Variants in TRAF5 observed in about 807,000 individuals in gnomAD.
TRAF5 encodes TNF receptor-associated factor 5.
A neutral mutation model predicts 64.5 loss-of-function variants in TRAF5; 48 were observed. That is an observed-to-expected ratio of 0.74 (90% confidence interval 0.59 to 0.95). The LOEUF is 0.95. Among genes scored for constraint, TRAF5 ranks in the 40% least tolerant of loss-of-function variants. The pLI is 0.00. For missense variants in TRAF5, 545 were observed against 662.8 expected (o/e 0.82, Z 1.95); for synonymous variants, 206 against 240.5 (o/e 0.86, Z 1.33).
intron 1 of TRAF5, among the ~76,000 whole-genome samples, chr1:211,351,418 C>T (rs1359095749): frequency 6.6e-6 from 1 of 152,124 alleles, no homozygotes; most frequent in Non-Finnish European, 1.5e-5. Context: ...CCTCCTAATA[C>T]TGTCACATGG....
chr1:211,332,743 AG>A (rs1236320228), intron 1 of TRAF5, among the ~76,000 whole-genome samples: 4 of 152,166 alleles, frequency 2.6e-5, no homozygotes, highest in Non-Finnish European at 4.4e-5. Context: ...GGAGAAATGG[AG>A]GGGGAATATT....
intron 5 of TRAF5, 108 bp from the exon 6 acceptor site, chr1:211,360,594 C>T: frequency 1.2e-6 from 1 of 816,728 alleles, no homozygotes; most frequent in Non-Finnish European, 2.0e-6. Context: ...CAATAACTTC[C>T]TGTAGAGAGT....
At chr1:211,358,523 A>T (rs1703059225) in intron 4 of TRAF5, 1 of 150,656 alleles carries the variant, frequency 6.6e-6, no homozygotes, top group Non-Finnish European at 1.5e-5. Context: ...AGCCTGGCCA[A>T]CATGGTGAAA....
chr1:211,369,309 C>T lies in TRAF5; in HGVS notation c.790-143C>T. The T allele has an allele frequency of 6.5e-6, 5 of 767,426 alleles. No individual in the cohort carries two copies. In the South Asian group the frequency reaches 1.5e-4, roughly 24 times the overall value. The allele number at this position is 767,426 out of a possible 1,614,324, so 47.5% of individuals were successfully genotyped here. A position where few individuals can be genotyped will look rare whatever the true frequency, so the allele number is the denominator to read the frequency against. ...TATCTTCCTATAATTATGTAGGAAT[C>T]TACCCTGTAAATATTTTCCTAGAAA... On this transcript the variant is annotated intron_variant, in intron 8 of 10. Coordinates refer to ENST00000261464, the MANE Select transcript of TRAF5 (RefSeq NM_001033910.3).
chr1:211,366,768 A>G (rs1265614246), intron 8 of TRAF5, among the ~76,000 whole-genome samples: 1 of 152,174 alleles, frequency 6.6e-6, no homozygotes, highest in Non-Finnish European at 1.5e-5. Flanking sequence ...AAGGCTAGAG[A>G]CTGGTGTGTT....
intron 1 of TRAF5, among the ~76,000 whole-genome samples, chr1:211,328,634 A>T (rs139237832): frequency 6.6e-6 from 1 of 152,194 alleles, no homozygotes; most frequent in African/African-American, 2.4e-5. Context: ...TGATTTGCAC[A>T]GTCGGGGAGC....
rs896015593 is a variant in TRAF5, at chr1:211,371,362, C to A, written c.991C>A (p.Gln331Lys). The change falls in exon 10 of 11, where the codon CAA (glutamine) becomes AAA (lysine). Residue 331 changes from glutamine to lysine, a missense_variant. Gln to Lys is a moderately conservative substitution (Grantham distance 53, BLOSUM62 1). Coordinates refer to ENST00000261464, the MANE Select transcript of TRAF5 (RefSeq NM_001033910.3). ...WLEAQVHQLL[Q>K]MVNQQQNKFD... ...AGAAGCTCAAGTGCATCAATTATTA[C>A]AAATGGTTAACCAGCAACAAAATAA... 7 of 1,610,968 alleles carry A rather than the reference C, an allele frequency of 4.3e-6. No individual in the cohort carries two copies. Among genetic ancestry groups the A allele is most frequent in the African/African-American group, 2.7e-5 (2 of 74,770 alleles).
chr1:211,350,935 T>A (rs76554072), intron 1 of TRAF5, among the ~76,000 whole-genome samples: 5 of 151,914 alleles, frequency 3.3e-5, no homozygotes, highest in Non-Finnish European at 5.9e-5. Flanking sequence ...AGACTCGAAC[T>A]CCTAGGTTCA....
chr1:211,331,717 G>C (rs1444421740), intron 1 of TRAF5, among the ~76,000 whole-genome samples: 1 of 151,742 alleles, frequency 6.6e-6, no homozygotes, highest in Non-Finnish European at 1.5e-5. Context: ...CCAGGCTGTA[G>C]TGCAGTGGCA....
chr1:211,350,327 C>T (rs1406317574), intron 1 of TRAF5, among the ~76,000 whole-genome samples: 1 of 143,910 alleles, frequency 6.9e-6, no homozygotes, highest in African/African-American at 2.6e-5. Context: ...TGATCCCCCC[C>T]TGCCTCAGCC....
intron 1 of TRAF5, among the ~76,000 whole-genome samples, chr1:211,341,465 C>T (rs1702445905): frequency 6.6e-6 from 1 of 152,210 alleles, no homozygotes; most frequent in South Asian, 2.1e-4. Context: ...CTTTCCCAGG[C>T]TGTATATGGC....
chr1:211,333,482 G>T (rs1304759415), intron 1 of TRAF5, among the ~76,000 whole-genome samples: 3 of 150,926 alleles, frequency 2.0e-5, no homozygotes, highest in Non-Finnish European at 3.0e-5. Context: ...GATTACAGGC[G>T]TGAGCCACGG....
chr1:211,349,949 C>T (rs1702731208), intron 1 of TRAF5, among the ~76,000 whole-genome samples: 1 of 152,010 alleles, frequency 6.6e-6, no homozygotes, highest in Non-Finnish European at 1.5e-5. Flanking sequence ...TGAGGGAACA[C>T]AAGGCAGAGC....
chr1:211,333,270 C>G (rs1414385730), intron 1 of TRAF5, among the ~76,000 whole-genome samples: 1 of 152,126 alleles, frequency 6.6e-6, no homozygotes, highest in African/African-American at 2.4e-5. Flanking sequence ...CTCACTGCAA[C>G]CTCCGCCTCC....
At position 211,364,025 on chromosome 1, in the gene TRAF5, C is replaced by T. The variant is rs528727610; in HGVS notation, c.697-1351C>T. Among the ~76,000 whole-genome samples, 405 of 151,904 alleles carry T rather than the reference C, an allele frequency of 2.7e-3. 1 individual carries two copies. Among genetic ancestry groups the T allele is most frequent in the African/African-American group, 9.5e-3 (395 of 41,428 alleles). ...TCTAGAACTTGCCTCAGCACCAGAGCTTGGGATGGCTGGGGGAGTTATTCT... is the reference window on the plus strand; with the variant it reads ...TCTAGAACTTGCCTCAGCACCAGAGTTTGGGATGGCTGGGGGAGTTATTCT... On this transcript the variant is annotated intron_variant, in intron 7 of 10. Transcript: ENST00000261464.
At chr1:211,326,778 C>T (rs1405224471), upstream of TRAF5, 1 of 984,686 alleles carries the variant, frequency 1.0e-6, no homozygotes, top group Non-Finnish European at 1.2e-6. This position sits in a 1 kb window ranked among gnomAD's most constrained non-coding sequence, Gnocchi z 5.0. Flanking sequence ...TCCGCCCGCG[C>T]CCCGGCCCCG....
intron 1 of TRAF5, among the ~76,000 whole-genome samples, chr1:211,346,946 T>A (rs530595011): frequency 1.3e-5 from 2 of 152,366 alleles, no homozygotes; most frequent in Admixed American, 6.5e-5. Flanking sequence ...ATAGATGGGA[T>A]GTGACTTTCT....
At chr1:211,363,932 A>G (rs1344170270) in intron 7 of TRAF5, among the ~76,000 whole-genome samples, 2 of 141,776 alleles carry the variant, frequency 1.4e-5, no homozygotes, top group East Asian at 3.9e-4. Context: ...AAAAAAAAAA[A>G]GCAGAATTGC....
In TRAF5 at chr1:211,360,062, G is replaced by T. The variant is rs376733808; in HGVS notation, c.529G>T (p.Val177Phe). 1 of 1,614,154 alleles carries T rather than the reference G, an allele frequency of 6.2e-7. No homozygotes were observed. The highest frequency in any genetic ancestry group is 2.2e-5 in the East Asian group (1 of 44,886). The change falls in exon 5 of 11, where the codon GTC becomes TTC. Residue 177 changes from valine (V) to phenylalanine (F), a missense_variant. Transcript: ENST00000261464. ...KCLYCKKDVV[V>F]INLQNHEENL... is the part of the protein sequence containing the mutation. ...CCTTTATTGCAAAAAGGATGTGGTA[G>T]TCATCAATCTACAGGTGAAAAACAA...
Sources: allele counts gnomAD v4.1 joint callset (sites outside exome capture counted in the v4.1 genomes callset), GRCh38; gene constraint gnomAD v4.1.1; non-coding constraint Gnocchi (gnomAD v3.1); transcripts MANE v1.5; gene names NCBI Gene and HGNC (gene_info 2026-07-23, HGNC 2026-07-21).